Variants in GP2 observed in about 807,000 individuals in gnomAD.
GP2 encodes pancreatic secretory granule membrane major glycoprotein GP2.
A neutral mutation model predicts 60.8 loss-of-function variants in GP2; 58 were observed. That is an observed-to-expected ratio of 0.95 (90% CI 0.77 to 1.19). The LOEUF is 1.19. GP2 is among the 50% of genes most tolerant of loss of function. GP2 has a pLI of 0.00. For synonymous variants in GP2, 280 were observed against 253.4 expected (o/e 1.10, Z -1.00); for missense variants, 647 against 667.4 (o/e 0.97, Z 0.34).
chr16:20,314,556 T>C (rs1351086719), intron 10 of GP2, 101 bp downstream of exon 10: 4 of 838,706 alleles, frequency 4.8e-6, no homozygotes, highest in Non-Finnish European at 8.4e-6. Context: ...CTGATTAATG[T>C]CAGTGTCCCT....
chr16:20,317,462 T>G, intron 7 of GP2, 87 bp from the exon 8 acceptor site: 1 of 986,070 alleles, frequency 1.0e-6, no homozygotes, highest in Non-Finnish European at 1.5e-6. Context: ...TCCATCATGA[T>G]AACGTGGACT....
chr16:20,321,838 G>A (rs1179163914), intron 4 of GP2, among the ~76,000 whole-genome samples: 1 of 152,208 alleles, frequency 6.6e-6, no homozygotes, highest in Non-Finnish European at 1.5e-5. Flanking sequence ...GCTGGCCACT[G>A]ATGAAGACTT....
chr16:20,319,411 A>G (rs904818656), intron 6 of GP2, among the ~76,000 whole-genome samples: 20 of 152,228 alleles, frequency 1.3e-4, no homozygotes, highest in African/African-American at 4.6e-4. Context: ...ACAATCTTTA[A>G]TAGCCACGGA....
Position 20,322,863 on chromosome 16 carries a change from G to A in GP2, c.646+6C>T. 1 of 1,502,498 alleles carries A rather than the reference G, an allele frequency of 6.7e-7. No individual in the cohort carries two copies. The highest frequency in any genetic ancestry group is 9.3e-7 in the Non-Finnish European group (1 of 1,078,210). 93.1% of individuals were successfully genotyped at this position (1,502,498 alleles called of 1,614,324 possible). On this transcript the variant is annotated splice_donor_region_variant and intron_variant, in intron 4 of 10. Transcript: ENST00000302555. ...ATGGTAGTTACTTGCCCAGTGAGCA[G>A]CTCACCAGAACTATTGAGGTCCTGT... is the stretch of plus-strand genomic sequence containing the variant.
chr16:20,325,399 T>A (rs1567293210), intron 2 of GP2, among the ~76,000 whole-genome samples: 1 of 152,254 alleles, frequency 6.6e-6, no homozygotes, highest in Non-Finnish European at 1.5e-5. Flanking sequence ...AACATAGATA[T>A]CATGTGCTAG....
intron 7 of GP2, 28 bp downstream of exon 7, chr16:20,318,157 A>G: frequency 6.2e-7 from 1 of 1,602,596 alleles, no homozygotes; most frequent in East Asian, 2.2e-5. Flanking sequence ...TAGTAAGGCC[A>G]AATGATAATT....
chr16:20,323,496 CT>C (rs367921185), intron 3 of GP2: 122 of 378,972 alleles, frequency 3.2e-4, no homozygotes, highest in Middle Eastern at 3.1e-3. Flanking sequence ...CCCCCCCCCC[CT>C]TTTTTTCAGA....
chr16:20,314,852 A>G (rs1246699761), intron 9 of GP2, 151 bp from the exon 10 acceptor site: 4 of 688,300 alleles, frequency 5.8e-6, no homozygotes, highest in Non-Finnish European at 8.0e-6. Context: ...AGAATCTGGC[A>G]CAGGCACCTT....
rs545858202 is a variant in GP2 at position 20,322,537 on chromosome 16, C to G, written c.646+332G>C. Among the ~76,000 whole-genome samples, 3 of 152,186 alleles carry G rather than the reference C, an allele frequency of 2.0e-5. No individual in the cohort carries two copies. The East Asian group carries it at 5.8e-4, about 29-fold the overall frequency. On this transcript the variant is annotated intron_variant, in intron 4 of 10. Coordinates refer to ENST00000302555, the MANE Select transcript of GP2 (RefSeq NM_001502.4). The stretch of plus-strand genomic sequence containing the variant: ...CCCAGAAGTCTGCCCATGTCCCTGA[C>G]ATGAAGACCCTGTGGCTATGAAAAC...
In GP2 at chr16:20,320,289, C is replaced by T. The variant is rs532302253; in HGVS notation, c.831G>A (p.Gln277=). Residue 277 remains glutamine (Q), a synonymous_variant, in exon 5 of 11, where the codon CAG becomes CAA. Coordinates refer to ENST00000302555, the MANE Select transcript of GP2 (RefSeq NM_001502.4). ...RNWVSVTSPV[Q]ASACRNILER... is the part of the protein sequence containing the mutation. ...CCAGAATGTTCCTGCAGGCACTAGC[C>T]TGGACGGGGCTGGTCACAGATACCC... 1.0e-4 allele frequency: 167 copies of T among 1,614,054 alleles called. 1 individual carries two copies. In the South Asian group the frequency reaches 1.7e-3, roughly 17 times the overall value.
chr16:20,325,135 G>A (rs1044787513), intron 2 of GP2, among the ~76,000 whole-genome samples: 22 of 152,324 alleles, frequency 1.4e-4, no homozygotes, highest in African/African-American at 4.8e-4. Flanking sequence ...AAGACCACAG[G>A]CTGGTCAGGC....
intron 10 of GP2, among the ~76,000 whole-genome samples, chr16:20,312,997 A>T (rs988885075): frequency 5.3e-5 from 8 of 152,136 alleles, no homozygotes; most frequent in Non-Finnish European, 1.0e-4. Context: ...AATGAGCGTG[A>T]CTTTTCTTAG....
At chr16:20,324,535 A>C (rs9930461) in intron 2 of GP2, among the ~76,000 whole-genome samples, 144,118 of 152,244 alleles carry the variant, frequency 0.95, 68,373 homozygotes, top group Non-Finnish European at 0.97. Flanking sequence ...GCATCATGCA[A>C]ACAGCAGCCT....
rs780009490 is a variant in GP2, at chr16:20,316,051, G to A, written c.1417-11C>T. 23 of 1,571,706 alleles carry A rather than the reference G, an allele frequency of 1.5e-5. No individual in the cohort carries two copies. Among genetic ancestry groups the A allele is most frequent in the Middle Eastern group, 1.7e-4 (1 of 6,010 alleles). On this transcript the variant is annotated splice_polypyrimidine_tract_variant and intron_variant, in intron 8 of 10. Coordinates refer to ENST00000302555, the MANE Select transcript of GP2 (RefSeq NM_001502.4). ...ACTTCTTGAGCAAGACTGTAGGGAT[G>A]ATGAACTTTTATTATATCAAAATTT...
intron 3 of GP2, 80 bp downstream of exon 3, chr16:20,323,736 A>T: frequency 1.1e-6 from 1 of 915,442 alleles, no homozygotes; most frequent in Non-Finnish European, 1.7e-6. Flanking sequence ...TCTCCTCTTG[A>T]CTTGCTCCAC....
chr16:20,323,003 G>C, intron 3 of GP2, 24 bp from the exon 4 acceptor site: 6 of 1,363,976 alleles, frequency 4.4e-6, no homozygotes, highest in Non-Finnish European at 6.3e-6. Flanking sequence ...CATGGAGAGA[G>C]AAGATCAGGA....
rs530229368 is a variant in GP2 at position 20,323,493 on chromosome 16, C to A, written c.535+323G>T. ...GCTGTTATTTTTGCTGTACCCCCCC[C>A]CCCTTTTTTTCAGATCAGAACACTG... On this transcript the variant is annotated intron_variant, in intron 3 of 10. Coordinates refer to ENST00000302555, the MANE Select transcript of GP2 (RefSeq NM_001502.4). The A allele has an allele frequency of 6.5e-4, 401 of 618,192 alleles. 7 individuals carry two copies. The South Asian group carries it at 6.5e-3, about 10-fold the overall frequency. The allele number at this position is 618,192 out of a possible 1,614,324, so 38.3% of individuals were successfully genotyped here.
intron 10 of GP2, among the ~76,000 whole-genome samples, chr16:20,314,076 G>A (rs925802336): frequency 1.3e-5 from 2 of 151,970 alleles, no homozygotes; most frequent in African/African-American, 4.8e-5. Flanking sequence ...CCTTCCAGGG[G>A]ATGGGGGGCA....
chr16:20,314,801 G>T, intron 9 of GP2, 100 bp from the exon 10 acceptor site: 2 of 825,906 alleles, frequency 2.4e-6, no homozygotes, highest in Non-Finnish European at 4.3e-6. Flanking sequence ...CCTGGCCATC[G>T]CAACCACCAG....
Sources: allele counts gnomAD v4.1 joint callset (sites outside exome capture counted in the v4.1 genomes callset), GRCh38; gene constraint gnomAD v4.1.1; transcripts MANE v1.5; gene names NCBI Gene and HGNC (gene_info 2026-07-23, HGNC 2026-07-21).